CCND3: variants seen among roughly 807,000 people sequenced by gnomAD.
CCND3 encodes the protein cyclin D3.
A neutral mutation model predicts 28.7 loss-of-function variants in CCND3; 9 were observed. The observed-to-expected ratio is 0.31, with a 90% confidence interval of 0.19 to 0.55. The LOEUF (loss-of-function observed/expected upper bound fraction) is 0.55, where lower values mean the gene tolerates loss of function less well. Ranked by LOEUF, CCND3 falls within the 20% of genes least tolerant of loss-of-function variation. The pLI, the probability that CCND3 is intolerant of heterozygous loss-of-function variation, is 0.93. For missense variants in CCND3, 315 were observed against 385.8 expected, an observed-to-expected ratio of 0.82 and a Z score of 1.54; for synonymous variants, 164 against 163.9, an observed-to-expected ratio of 1.00 and a Z score of 0.00.
intron 1 of CCND3, among the ~76,000 whole-genome samples, chr6:41,966,293 T>C (rs1386397102): frequency 1.3e-5 from 2 of 152,044 alleles, no homozygotes; most frequent in Non-Finnish European, 2.9e-5. Context: ...GATATGGTGG[T>C]GCATGCCTGT....
chr6:41,966,305 G>A (rs1761884486), intron 1 of CCND3, among the ~76,000 whole-genome samples: 2 of 152,078 alleles, frequency 1.3e-5, no homozygotes, highest in South Asian at 4.1e-4. Flanking sequence ...CATGCCTGTA[G>A]TCCCAGTTAT....
At chr6:41,991,310 T>G (rs4714531) in intron 1 of CCND3, among the ~76,000 whole-genome samples, 1 of 152,276 alleles carries the variant, frequency 6.6e-6, no homozygotes, top group East Asian at 1.9e-4. Context: ...CCACCCGCCT[T>G]GGTCTCCCAA....
intron 1 of CCND3, among the ~76,000 whole-genome samples, chr6:41,981,688 C>A (rs994907228): frequency 6.6e-6 from 1 of 151,654 alleles, no homozygotes; most frequent in African/African-American, 2.4e-5. Flanking sequence ...CACACCTAGC[C>A]AATTTTTGTA....
intron 1 of CCND3, among the ~76,000 whole-genome samples, chr6:41,984,727 CG>C (rs1315614228): frequency 2.0e-5 from 3 of 152,158 alleles, no homozygotes; most frequent in Non-Finnish European, 4.4e-5. Flanking sequence ...TTCCCACCAA[CG>C]GGACTGTGTG....
At position 41,936,491 on chromosome 6, in the gene CCND3, A is replaced by G; in HGVS notation, c.711+68T>C. 6.4e-7 allele frequency: 1 copy of G among 1,567,826 alleles called. No homozygotes were observed. Among genetic ancestry groups the G allele is most frequent in the South Asian group, 1.1e-5 (1 of 87,502 alleles). Reference sequence around the variant, plus strand: ...AGGTTGGGGTTGGAGGTTTCCCTCTACTGGAGGCTCAGGGCATAGCACTAC... The same window carrying G: ...AGGTTGGGGTTGGAGGTTTCCCTCTGCTGGAGGCTCAGGGCATAGCACTAC... On this transcript the variant is annotated intron_variant, in intron 4 of 4. Coordinates refer to ENST00000372991, the MANE Select transcript of CCND3 (RefSeq NM_001760.5). The surrounding 1 kb of genome is among the most constrained non-coding windows in gnomAD (Gnocchi z 4.4).
intron 1 of CCND3, among the ~76,000 whole-genome samples, chr6:41,964,473 TGAGTGTGTGTG>T (rs1325037489): frequency 9.6e-6 from 1 of 103,738 alleles, no homozygotes; most frequent in Non-Finnish European, 2.1e-5. Context: ...AGTGTGTGTG[TGAGTGTGTGTG>T]AATGTGTGTG....
At position 41,941,652 on chromosome 6, in the gene CCND3, T is replaced by C. The variant is rs1776029789; in HGVS notation, c.-3A>G. ...CCTTCGCAACACAGCAGCTCCATAC[T>C]CGGGCAGCGAACAGGCAGGGCGGGA... On this transcript the variant is annotated 5_prime_UTR_variant, in exon 1 of 5. Transcript: ENST00000372991. This position sits in a 1 kb window ranked among gnomAD's most constrained non-coding sequence, Gnocchi z 6.1. 7.0e-7 allele frequency: 1 copy of C among 1,435,650 alleles called. No homozygotes were observed. Among genetic ancestry groups the C allele is most frequent in the East Asian group, 2.9e-5 (1 of 34,276 alleles). 88.9% of individuals were successfully genotyped at this position (1,435,650 alleles called of 1,614,324 possible).
chr6:42,044,956 CGTTTT>C (rs1420288700), intron 1 of CCND3, among the ~76,000 whole-genome samples: 3 of 123,952 alleles, frequency 2.4e-5, no homozygotes, highest in Non-Finnish European at 4.9e-5. Context: ...GCCCGGCTAA[CGTTTT>C]TTTTTTTTTT....
intron 1 of CCND3, among the ~76,000 whole-genome samples, chr6:41,998,113 ACCC>A (rs796837845): frequency 6.1e-4 from 92 of 151,854 alleles, no homozygotes; most frequent in African/African-American, 2.1e-3. Context: ...ACATGGTGAA[ACCC>A]CATCTCTACT....
At chr6:41,956,166 C>T (rs1416361257) in intron 1 of CCND3, among the ~76,000 whole-genome samples, 17 of 152,106 alleles carry the variant, frequency 1.1e-4, no homozygotes, top group Non-Finnish European at 4.4e-5. Flanking sequence ...GTGGTGGGCC[C>T]CTGTAATCCT....
intron 1 of CCND3, among the ~76,000 whole-genome samples, chr6:42,001,267 C>T (rs1309163176): frequency 2.1e-5 from 3 of 145,898 alleles, no homozygotes; most frequent in Admixed American, 2.0e-4. Flanking sequence ...ATAGGTACCT[C>T]CCCAGAAGAA....
chr6:41,948,900 A>T (rs1164763182), intron 1 of CCND3, among the ~76,000 whole-genome samples: 1 of 152,164 alleles, frequency 6.6e-6, no homozygotes, highest in Non-Finnish European at 1.5e-5. Context: ...ACACCACATG[A>T]TAAATGGCAA....
chr6:41,963,891 C>G (rs1761784042), intron 1 of CCND3, among the ~76,000 whole-genome samples: 1 of 152,212 alleles, frequency 6.6e-6, no homozygotes, highest in South Asian at 2.1e-4. Context: ...CCTCACTTCC[C>G]TCAGTCTCTG....
intron 1 of CCND3, among the ~76,000 whole-genome samples, chr6:42,026,341 G>A (rs1763876485): frequency 6.6e-6 from 1 of 151,408 alleles, no homozygotes; most frequent in Non-Finnish European, 1.5e-5. Context: ...TGATCCTACA[G>A]GGTGCTCCTG....
At chr6:42,034,425 G>C (rs1274348829) in intron 1 of CCND3, among the ~76,000 whole-genome samples, 5 of 149,476 alleles carry the variant, frequency 3.3e-5, no homozygotes, top group Non-Finnish European at 5.9e-5. Flanking sequence ...TGGGATTATG[G>C]GATTACAGGC....
At chr6:41,980,036 A>ACACACACACACACACACACACACAC (rs1554162936) in intron 1 of CCND3, among the ~76,000 whole-genome samples, 3 of 151,248 alleles carry the variant, frequency 2.0e-5, no homozygotes, top group South Asian at 2.1e-4. Context: ...ACACACACAC[A>ACACACACACACACACACACACACAC]ATCAAACCTT....
chr6:42,013,182 G>T (rs1017398908), intron 1 of CCND3, among the ~76,000 whole-genome samples: 5 of 152,170 alleles, frequency 3.3e-5, no homozygotes, highest in African/African-American at 1.2e-4. Context: ...TTGATAATCA[G>T]ATAGCAGAGG....
intron 1 of CCND3, among the ~76,000 whole-genome samples, chr6:41,984,647 G>A (rs1369726025): frequency 1.3e-5 from 2 of 152,012 alleles, no homozygotes; most frequent in Admixed American, 6.6e-5. Context: ...CACTCTCGGC[G>A]GGTAGTTGCT....
intron 1 of CCND3, among the ~76,000 whole-genome samples, chr6:42,032,167 C>T (rs1427781265): frequency 2.6e-5 from 4 of 152,158 alleles, no homozygotes; most frequent in African/African-American, 7.2e-5. Flanking sequence ...TTCACTGAAG[C>T]CTCAAACTCC....
Sources: allele counts gnomAD v4.1 joint callset (sites outside exome capture counted in the v4.1 genomes callset), GRCh38; gene constraint gnomAD v4.1.1; non-coding constraint Gnocchi (gnomAD v3.1); transcripts MANE v1.5; gene names NCBI Gene and HGNC (gene_info 2026-07-23, HGNC 2026-07-21).